The following C12orf75 variants were observed in gnomAD, a reference collection of about 807,000 sequenced individuals.
C12orf75 encodes the protein chromosome 12 open reading frame 75.
A neutral mutation model predicts 11.4 loss-of-function variants in C12orf75; 4 were observed. The observed-to-expected ratio is 0.35, with a 90% CI of 0.17 to 0.80. The LOEUF (loss-of-function observed/expected upper bound fraction) is 0.80. Among genes scored for constraint, C12orf75 ranks in the 30% least tolerant of loss-of-function variants. The pLI is 0.52. For synonymous variants in C12orf75, 30 were observed against 30.0 expected (o/e 1.00, Z 0.00); for missense variants, 89 against 80.4 (o/e 1.11, Z -0.41).
rs113160948 is a variant in C12orf75, at chr12:105,351,904, A to T, written c.71+3278A>T. On this transcript the variant is annotated intron_variant, in intron 2 of 5. Coordinates refer to ENST00000443585, the MANE Select transcript of C12orf75 (RefSeq NM_001145199.2). ...AGAGATTTTAAGGTGGAGGAATTAA[A>T]TGATTATGTTTGAGTTTTAGGGCAG... Among the ~76,000 whole-genome samples, 408 of 152,208 alleles carry T rather than the reference A, an allele frequency of 2.7e-3. 2 individuals are homozygous for T. The highest frequency in any genetic ancestry group is 8.0e-3 in the African/African-American group (333 of 41,534).
chr12:105,360,972 C>A (rs2136150109), intron 2 of C12orf75, among the ~76,000 whole-genome samples: 1 of 152,218 alleles, frequency 6.6e-6, no homozygotes, highest in Middle Eastern at 3.4e-3. Context: ...GACGGGGTTT[C>A]TTCATGTTGG....
At chr12:105,336,953 T>G (rs1456195237) in intron 1 of C12orf75, among the ~76,000 whole-genome samples, 1 of 152,174 alleles carries the variant, frequency 6.6e-6, no homozygotes, top group Non-Finnish European at 1.5e-5. Flanking sequence ...TCCCCAGAAT[T>G]GATGGCATCC....
At chr12:105,369,001 A>C (rs1187617213) in intron 5 of C12orf75, among the ~76,000 whole-genome samples, 2 of 152,358 alleles carry the variant, frequency 1.3e-5, no homozygotes, top group Admixed American at 1.3e-4. Flanking sequence ...TATTTGTATC[A>C]AATAGAAAAG....
intron 2 of C12orf75, among the ~76,000 whole-genome samples, chr12:105,365,517 C>T (rs1183315711): frequency 5.9e-5 from 9 of 152,334 alleles, no homozygotes; most frequent in Admixed American, 5.9e-4. Context: ...CCAATTTCAG[C>T]TGCCCTCAGT....
At position 105,344,656 on chromosome 12, in the gene C12orf75, G is replaced by A. The variant is rs560305930; in HGVS notation, c.47-3946G>A. The stretch of plus-strand genomic sequence containing the variant: ...AGCTACTCAGGAGGCTGAGGCAGGA[G>A]AATCGCTTGAACCCAGGAAGCAGAG... On this transcript the variant is annotated intron_variant, in intron 1 of 5. Transcript: ENST00000443585. 7.3e-5 allele frequency among the ~76,000 whole-genome samples: 11 copies of A among 151,310 alleles called. 1 individual carries two copies. In the South Asian group the frequency reaches 2.1e-3, roughly 29 times the overall value.
chr12:105,331,015 T>TG (rs1026188430), intron 1 of C12orf75, 78 bp downstream of exon 1: 5 of 914,898 alleles, frequency 5.5e-6, no homozygotes, highest in Non-Finnish European at 7.1e-6. Flanking sequence ...GGATCTTGGG[T>TG]GGGGGGCGCG....
chr12:105,361,796 G>C (rs1892869738), intron 2 of C12orf75, among the ~76,000 whole-genome samples: 1 of 152,196 alleles, frequency 6.6e-6, no homozygotes, highest in Non-Finnish European at 1.5e-5. Context: ...TCCCCAGGCA[G>C]CTCAACACAA....
chr12:105,342,901 A>G (rs1304441570), intron 1 of C12orf75, among the ~76,000 whole-genome samples: 1 of 152,224 alleles, frequency 6.6e-6, no homozygotes, highest in East Asian at 1.9e-4. Context: ...TTTTTAATTA[A>G]CTGAGACTTC....
At chr12:105,353,339 T>C (rs1892737566) in intron 2 of C12orf75, among the ~76,000 whole-genome samples, 1 of 152,224 alleles carries the variant, frequency 6.6e-6, no homozygotes, top group Non-Finnish European at 1.5e-5. Context: ...AGCTTCTTTT[T>C]CCTTGTAGTT....
intron 1 of C12orf75, among the ~76,000 whole-genome samples, chr12:105,343,933 T>TA (rs1892605015): frequency 6.6e-6 from 1 of 152,208 alleles, no homozygotes; most frequent in Admixed American, 6.5e-5. Context: ...CCATTGCAGT[T>TA]ATTCAGTTGA....
chr12:105,369,125 G>C (rs1871561357), intron 5 of C12orf75, among the ~76,000 whole-genome samples: 1 of 152,234 alleles, frequency 6.6e-6, no homozygotes, highest in Non-Finnish European at 1.5e-5. Context: ...TCAGGAGACT[G>C]GGCAGCTCTG....
At chr12:105,366,030 G>A (rs1871464362) in intron 3 of C12orf75, 188 bp downstream of exon 3, 2 of 616,172 alleles carry the variant, frequency 3.2e-6, no homozygotes, top group South Asian at 2.0e-5. Flanking sequence ...CTCCTTCCAA[G>A]CAAACTTGGT....
At chr12:105,338,797 G>A (rs1469667292) in intron 1 of C12orf75, among the ~76,000 whole-genome samples, 1 of 152,130 alleles carries the variant, frequency 6.6e-6, no homozygotes, top group Non-Finnish European at 1.5e-5. Context: ...TACAGTTAGA[G>A]CCCACTTGTT....
chr12:105,339,756 A>G (rs1044001217), intron 1 of C12orf75, among the ~76,000 whole-genome samples: 8 of 151,942 alleles, frequency 5.3e-5, no homozygotes, highest in Non-Finnish European at 1.0e-4. Flanking sequence ...AGCTGGGACT[A>G]TAGGCGCCCG....
intron 2 of C12orf75, among the ~76,000 whole-genome samples, chr12:105,351,153 A>T (rs1378214466): frequency 6.6e-6 from 1 of 152,186 alleles, no homozygotes; most frequent in African/African-American, 2.4e-5. Context: ...CTTGACTGTA[A>T]TATTAGGTGA....
chr12:105,340,431 A>C (rs1228572344), intron 1 of C12orf75, among the ~76,000 whole-genome samples: 2 of 9,574 alleles, frequency 2.1e-4, no homozygotes, highest in Non-Finnish European at 3.0e-4. Flanking sequence ...TGCCCCCGCC[A>C]AAAAAAAAAA....
chr12:105,342,733 C>T (rs951595748), intron 1 of C12orf75, among the ~76,000 whole-genome samples: 3 of 152,202 alleles, frequency 2.0e-5, no homozygotes, highest in African/African-American at 7.2e-5. Flanking sequence ...TCATTAGAAG[C>T]CTCACAGAGA....
At chr12:105,356,714 C>T (rs1027386044) in intron 2 of C12orf75, among the ~76,000 whole-genome samples, 2 of 152,094 alleles carry the variant, frequency 1.3e-5, no homozygotes, top group Non-Finnish European at 2.9e-5. Flanking sequence ...CATTATTTCA[C>T]TGTTAAAATC....
At chr12:105,335,209 G>T (rs1279462962) in intron 1 of C12orf75, among the ~76,000 whole-genome samples, 2 of 152,126 alleles carry the variant, frequency 1.3e-5, no homozygotes, top group Non-Finnish European at 2.9e-5. Context: ...GTATCCCAGG[G>T]AGTTAATACA....
Sources: allele counts gnomAD v4.1 joint callset (sites outside exome capture counted in the v4.1 genomes callset), GRCh38; gene constraint gnomAD v4.1.1; transcripts MANE v1.5; gene names NCBI Gene and HGNC (gene_info 2026-07-23, HGNC 2026-07-21).